FASTKD1: variants seen among roughly 807,000 people sequenced by gnomAD.
FASTKD1 encodes the protein FAST kinase domain-containing protein 1, mitochondrial.
Under a neutral mutation model 90.9 loss-of-function variants are expected in FASTKD1, and 94 were observed. The ratio of observed to expected loss-of-function variants is 1.03; its 90% confidence interval spans 0.88 to 1.23. The LOEUF (loss-of-function observed/expected upper bound fraction) is 1.23, where lower values mean the gene tolerates loss of function less well. Ranked by LOEUF, FASTKD1 falls within the 50% of genes most tolerant of loss-of-function variation. The pLI, the probability that FASTKD1 is intolerant of heterozygous loss-of-function variation, is 0.00. For missense variants in FASTKD1, 945 were observed against 993.5 expected, an observed-to-expected ratio of 0.95 and a Z score of 0.66; for synonymous variants, 319 against 345.8, an observed-to-expected ratio of 0.92 and a Z score of 0.86.
At chr2:169,571,504 C>A (rs1684228248) in intron 2 of FASTKD1, 149 bp downstream of exon 2, 1 of 497,214 alleles carries the variant, frequency 2.0e-6, no homozygotes, top group Non-Finnish European at 3.5e-6. Context: ...GCAGAGCTTG[C>A]AGTGAGCCGA....
At chr2:169,568,144 A>G (rs1684066016) in intron 3 of FASTKD1, among the ~76,000 whole-genome samples, 2 of 152,198 alleles carry the variant, frequency 1.3e-5, no homozygotes, top group African/African-American at 4.8e-5. Flanking sequence ...CACTTTCTTT[A>G]AAAAGCTTCT....
intron 6 of FASTKD1, among the ~76,000 whole-genome samples, chr2:169,556,789 T>G (rs1406035513): frequency 6.6e-6 from 1 of 152,108 alleles, no homozygotes; most frequent in Admixed American, 6.6e-5. Context: ...ATGGCACCAC[T>G]GCACTCAAGC....
chr2:169,564,769 T>C (rs1559159575), intron 3 of FASTKD1, among the ~76,000 whole-genome samples: 1 of 151,964 alleles, frequency 6.6e-6, no homozygotes. Context: ...TCTACGTCCA[T>C]TAGTTCAATT....
chr2:169,556,436 AAAAAAAAAAAAC>A (rs1439415270), intron 6 of FASTKD1, among the ~76,000 whole-genome samples: 1 of 131,540 alleles, frequency 7.6e-6, no homozygotes, highest in Admixed American at 7.3e-5. Flanking sequence ...ACCCTGTCTC[AAAAAAAAAAAAC>A]AAAAAAAAAA....
At chr2:169,551,093 G>A (rs969411667) in intron 7 of FASTKD1, among the ~76,000 whole-genome samples, 3 of 152,132 alleles carry the variant, frequency 2.0e-5, no homozygotes, top group African/African-American at 7.2e-5. Context: ...TAAAAAGCAT[G>A]AGCACTGTCC....
chr2:169,549,224 G>A (rs776409936), intron 7 of FASTKD1, among the ~76,000 whole-genome samples: 3 of 152,160 alleles, frequency 2.0e-5, no homozygotes, highest in Non-Finnish European at 4.4e-5. Flanking sequence ...GAAAAACCCC[G>A]TCTCTACTAA....
intron 8 of FASTKD1, 80 bp from the exon 9 acceptor site, chr2:169,544,915 G>C: frequency 1.4e-6 from 1 of 738,304 alleles, no homozygotes; most frequent in South Asian, 1.9e-5. Flanking sequence ...TTTTTTAGGA[G>C]AAATCTTTTC....
At chr2:169,563,631 T>TG (rs1332347883) in intron 3 of FASTKD1, among the ~76,000 whole-genome samples, 20 of 152,112 alleles carry the variant, frequency 1.3e-4, no homozygotes, top group African/African-American at 4.8e-4. Flanking sequence ...ACAAATATAA[T>TG]GGCTGCTACT....
intron 9 of FASTKD1, among the ~76,000 whole-genome samples, chr2:169,544,467 T>C (rs1395336354): frequency 6.6e-6 from 1 of 151,858 alleles, no homozygotes; most frequent in Non-Finnish European, 1.5e-5. Flanking sequence ...GCTACTGGGG[T>C]GACTGAGGCA....
intron 11 of FASTKD1, 91 bp from the exon 12 acceptor site, chr2:169,537,431 C>T: frequency 1.2e-6 from 1 of 833,848 alleles, no homozygotes; most frequent in South Asian, 1.7e-5. Flanking sequence ...GTTGCCCAGG[C>T]TGGAATGCAA....
Position 169,557,800 on chromosome 2 carries a change from A to G in FASTKD1, c.972-503T>C, listed in dbSNP as rs140052856. ...TTAACAAAGCTGGTCCATTTTGACT[A>G]TGATTAGTTGTCATTTGAACTATCC... On this transcript the variant is annotated intron_variant, in intron 5 of 14. Transcript: ENST00000453153. Among the ~76,000 whole-genome samples, 682 of 152,358 alleles carry G rather than the reference A, an allele frequency of 4.5e-3. 2 individuals are homozygous for G. Among genetic ancestry groups the G allele is most frequent in the African/African-American group, 0.016 (652 of 41,588 alleles).
chr2:169,533,925 C>T (rs1402318643), intron 12 of FASTKD1, among the ~76,000 whole-genome samples: 1 of 151,994 alleles, frequency 6.6e-6, no homozygotes, highest in Non-Finnish European at 1.5e-5. Context: ...TATCCTAGCA[C>T]TTTAGGAGGC....
At chr2:169,564,220 A>T (rs1285501489) in intron 3 of FASTKD1, among the ~76,000 whole-genome samples, 1 of 152,168 alleles carries the variant, frequency 6.6e-6, no homozygotes, top group Non-Finnish European at 1.5e-5. Flanking sequence ...TTACTCAGAA[A>T]CTGATTTAAA....
chr2:169,549,357 T>C (rs1323140813), intron 7 of FASTKD1, among the ~76,000 whole-genome samples: 1 of 149,398 alleles, frequency 6.7e-6, no homozygotes, highest in Non-Finnish European at 1.5e-5. Context: ...GAGCCGAGAT[T>C]GTGCCACTGC....
At chr2:169,567,888 T>C (rs1433001124) in intron 3 of FASTKD1, among the ~76,000 whole-genome samples, 3 of 152,184 alleles carry the variant, frequency 2.0e-5, no homozygotes, top group African/African-American at 4.8e-5. Flanking sequence ...CCAGAGTTCC[T>C]AGATTAAAAA....
intron 7 of FASTKD1, among the ~76,000 whole-genome samples, chr2:169,547,834 A>G (rs2592821): frequency 0.64 from 91,005 of 141,372 alleles, 29,552 homozygotes; most frequent in Admixed American, 0.74. Context: ...GCAGTGAGCC[A>G]AGATCGTGCC....
intron 7 of FASTKD1, among the ~76,000 whole-genome samples, chr2:169,547,393 G>A (rs1349734495): frequency 6.6e-6 from 1 of 152,026 alleles, no homozygotes; most frequent in Non-Finnish European, 1.5e-5. Context: ...ATCTCTCAGG[G>A]GAGCGTCTTA....
intron 4 of FASTKD1, among the ~76,000 whole-genome samples, chr2:169,561,859 TAAAA>T (rs1683660444): frequency 1.4e-5 from 2 of 143,334 alleles, no homozygotes; most frequent in African/African-American, 2.5e-5. Flanking sequence ...TAATTTATTG[TAAAA>T]TAATTATTTA....
At chr2:169,540,222 C>T (rs950223457) in intron 9 of FASTKD1, 43 bp from the exon 10 acceptor site, 2 of 1,468,072 alleles carry the variant, frequency 1.4e-6, no homozygotes, top group African/African-American at 1.4e-5. Flanking sequence ...AGCTGCCTCA[C>T]TTATATATAC....
Sources: allele counts gnomAD v4.1 joint callset (sites outside exome capture counted in the v4.1 genomes callset), GRCh38; gene constraint gnomAD v4.1.1; transcripts MANE v1.5; gene names NCBI Gene and HGNC (gene_info 2026-07-23, HGNC 2026-07-21).